Variants in PLB1 observed in about 807,000 individuals in gnomAD.
PLB1 encodes phospholipase B1, membrane-associated.
PLB1 carries 242 observed loss-of-function variants against 227.4 expected under a neutral mutation model. The observed-to-expected ratio is 1.06, with a 90% CI of 0.96 to 1.18. PLB1 has a LOEUF of 1.18. Ranked by LOEUF, PLB1 falls within the 50% of genes most tolerant of loss-of-function variation. The pLI is 0.00. For missense variants in PLB1, 1,858 were observed against 1,816.3 expected (o/e 1.02, Z -0.42); for synonymous variants, 757 against 682.2 (o/e 1.11, Z -1.71).
intron 29 of PLB1, 62 bp downstream of exon 29, chr2:28,590,138 C>T (rs1681649751): frequency 7.1e-7 from 1 of 1,404,872 alleles, no homozygotes; most frequent in Non-Finnish European, 1.0e-6. Context: ...CTCATTTCAT[C>T]CTAGGCCCTC....
intron 26 of PLB1, among the ~76,000 whole-genome samples, chr2:28,589,009 C>CA (rs1192451207): frequency 1.3e-5 from 2 of 151,632 alleles, no homozygotes; most frequent in African/African-American, 2.4e-5. Flanking sequence ...GCTAAAAATA[C>CA]AAAAAATTAG....
intron 2 of PLB1, among the ~76,000 whole-genome samples, chr2:28,517,720 C>T (rs1669016205): frequency 6.6e-6 from 1 of 152,062 alleles, no homozygotes; most frequent in South Asian, 2.1e-4. Context: ...GTCTTAATTA[C>T]TTCTTTTCCT....
intron 18 of PLB1, among the ~76,000 whole-genome samples, chr2:28,564,440 A>C (rs1005025343): frequency 1.3e-5 from 2 of 152,146 alleles, no homozygotes; most frequent in Admixed American, 6.5e-5. Flanking sequence ...ACCTCCCAGG[A>C]AGGACTGGCA....
At position 28,548,946 on chromosome 2, in the gene PLB1, G is replaced by T; in HGVS notation, c.1008+15G>T. ...GTCCCTCTCAGGTAGGAGGGACTGG[G>T]CAGAGGAGGGACTCTTATTGAATCG... On this transcript the variant is annotated intron_variant, in intron 15 of 57. Coordinates refer to ENST00000327757, the MANE Select transcript of PLB1 (RefSeq NM_153021.5). 6.2e-7 allele frequency: 1 copy of T among 1,612,536 alleles called. No homozygotes were observed. Among genetic ancestry groups the T allele is most frequent in the Non-Finnish European group, 8.5e-7 (1 of 1,178,612 alleles).
At chr2:28,638,419 C>A (rs189844690) in intron 56 of PLB1, among the ~76,000 whole-genome samples, 56 of 152,190 alleles carry the variant, frequency 3.7e-4, no homozygotes, top group African/African-American at 1.3e-3. Context: ...GGGCAGGGGC[C>A]AGGTCCCTAG....
intron 55 of PLB1, 72 bp downstream of exon 55, chr2:28,632,212 C>T: frequency 1.7e-6 from 2 of 1,206,318 alleles, no homozygotes; most frequent in Non-Finnish European, 1.2e-6. Context: ...ATTTCCTTCT[C>T]TAAGTGGGCT....
intron 46 of PLB1, 181 bp downstream of exon 46, chr2:28,618,580 C>T: frequency 1.6e-6 from 1 of 624,920 alleles, no homozygotes; most frequent in Non-Finnish European, 2.8e-6. Context: ...CGCCACCTTC[C>T]CAGTTCTGCT....
intron 1 of PLB1, among the ~76,000 whole-genome samples, chr2:28,499,548 G>A (rs1466090064): frequency 6.7e-6 from 1 of 149,244 alleles, no homozygotes; most frequent in Non-Finnish European, 1.5e-5. Context: ...TTAAAGAGGT[G>A]ATGATACCAA....
intron 40 of PLB1, among the ~76,000 whole-genome samples, chr2:28,604,453 C>A (rs1403109141): frequency 1.3e-5 from 2 of 152,206 alleles, no homozygotes; most frequent in African/African-American, 2.4e-5. Flanking sequence ...AGTCTACTTA[C>A]AATCAAAACA....
chr2:28,541,590 C>G (rs983984812), intron 12 of PLB1, 117 bp from the exon 13 acceptor site: 2 of 705,984 alleles, frequency 2.8e-6, no homozygotes, highest in East Asian at 2.7e-5. Flanking sequence ...TAGCACTTGA[C>G]CACAACGCAA....
rs1688483793 is a variant in PLB1, at chr2:28,630,623, C to G, written c.3856C>G (p.Leu1286Val). The G allele has an allele frequency of 1.2e-6, 2 of 1,613,688 alleles. No individual in the cohort carries two copies. Among genetic ancestry groups the G allele is most frequent in the East Asian group, 2.2e-5 (1 of 44,872 alleles). ...TTGCCTCAGACACTCGCAAAGCTCCCTGGAGAAGCAAGAACTGAAGAAAGT... is the reference window on the plus strand; with the variant it reads ...TTGCCTCAGACACTCGCAAAGCTCCGTGGAGAAGCAAGAACTGAAGAAAGT... ...CTCLRHSQSS[L>V]EKQELKKVNW... Residue 1286 changes from leucine to valine, a missense_variant, in exon 54 of 58, where the codon CTG becomes GTG. By Grantham distance (32) the Leu-to-Val change is conservative. Transcript: ENST00000327757.
intron 57 of PLB1, 85 bp from the exon 58 acceptor site, chr2:28,642,773 C>T: frequency 8.3e-7 from 1 of 1,201,964 alleles, no homozygotes; most frequent in Non-Finnish European, 1.2e-6. Flanking sequence ...CGCAGCATCT[C>T]AGGAATGGGG....
Position 28,630,755 on chromosome 2 carries a change from C to A in PLB1, c.3897+91C>A, listed in dbSNP as rs915073304. On this transcript the variant is annotated intron_variant, in intron 54 of 57. Coordinates refer to ENST00000327757, the MANE Select transcript of PLB1 (RefSeq NM_153021.5). ...AATCGAATGCCCAGCAGGATGTGGC[C>A]AAGAGCAAGCCACTCCCTAAAAGCA... 4.7e-6 allele frequency: 5 copies of A among 1,053,600 alleles called. No individual in the cohort carries two copies. The African/African-American group carries it at 6.4e-5, about 13-fold the overall frequency. The allele number at this position is 1,053,600 out of a possible 1,614,324, so 65.3% of individuals were successfully genotyped here. A position where few individuals can be genotyped will look rare whatever the true frequency, so the allele number is the denominator to read the frequency against.
chr2:28,515,445 G>A (rs1212645892), intron 1 of PLB1, among the ~76,000 whole-genome samples: 3 of 152,216 alleles, frequency 2.0e-5, no homozygotes, highest in Non-Finnish European at 2.9e-5. Context: ...ATGCCTTCCC[G>A]TCATGTGGCC....
intron 17 of PLB1, among the ~76,000 whole-genome samples, chr2:28,559,740 C>CTTTT (rs10618292): frequency 9.1e-5 from 6 of 66,246 alleles, no homozygotes; most frequent in Admixed American, 2.4e-4. Flanking sequence ...GGCCTGAAAG[C>CTTTT]TTTTTTTTTT....
intron 17 of PLB1, among the ~76,000 whole-genome samples, chr2:28,560,705 T>C (rs1675925271): frequency 6.6e-6 from 1 of 152,184 alleles, no homozygotes; most frequent in Non-Finnish European, 1.5e-5. Context: ...GAAAACATTA[T>C]GCAAAGTAGA....
intron 54 of PLB1, among the ~76,000 whole-genome samples, chr2:28,631,054 T>C (rs1048826140): frequency 4.0e-5 from 6 of 151,568 alleles, no homozygotes; most frequent in African/African-American, 7.3e-5. Context: ...CTCAGGAGGC[T>C]GAGATGGGAG....
intron 13 of PLB1, 61 bp from the exon 14 acceptor site, chr2:28,543,151 A>AG: frequency 6.6e-7 from 1 of 1,524,986 alleles, no homozygotes; most frequent in Non-Finnish European, 8.9e-7. Flanking sequence ...CAAAGTGTGT[A>AG]GCAGGTCCGT....
intron 25 of PLB1, among the ~76,000 whole-genome samples, chr2:28,585,082 A>G (rs1010291390): frequency 2.6e-5 from 4 of 152,136 alleles, no homozygotes; most frequent in African/African-American, 9.7e-5. Flanking sequence ...TTAATTATTC[A>G]ATAATAATTG....
Sources: gnomAD v4.1 joint callset for allele counts (sites outside exome capture counted in the v4.1 genomes callset) on GRCh38, gnomAD v4.1.1 for gene constraint, MANE v1.5 for transcripts, NCBI Gene and HGNC (gene_info 2026-07-23, HGNC 2026-07-21) for gene names.